The following GABRA2 variants were observed in gnomAD, a reference collection of about 807,000 sequenced individuals.
GABRA2 encodes the protein gamma-aminobutyric acid type A receptor subunit alpha2, also known as gamma-aminobutyric acid receptor subunit alpha-2.
GABRA2 carries 16 observed loss-of-function variants against 48.7 expected under a neutral mutation model. The ratio of observed to expected loss-of-function variants is 0.33; its 90% CI spans 0.22 to 0.50. GABRA2 has a LOEUF of 0.50. Ranked by LOEUF, GABRA2 falls within the 20% of genes least tolerant of loss-of-function variation. The probability of loss-of-function intolerance (pLI) is 0.98; values close to 1 mark genes in which losing one functional copy is unlikely to be tolerated. For missense variants in GABRA2, 275 were observed against 535.6 expected (o/e 0.51, Z 4.80); for synonymous variants, 185 against 184.5 (o/e 1.00, Z -0.02).
chr4:46,304,014 G>T (rs1289444209), intron 7 of GABRA2, among the ~76,000 whole-genome samples: 1 of 151,808 alleles, frequency 6.6e-6, no homozygotes, highest in African/African-American at 2.4e-5. Flanking sequence ...ACTCAAAAAG[G>T]TTTTTTTGTT....
At chr4:46,313,115 GC>G in intron 4 of GABRA2, among the ~76,000 whole-genome samples, 1 of 90,424 alleles carries the variant, frequency 1.1e-5, no homozygotes, top group South Asian at 3.9e-4. Flanking sequence ...TTTCCCAGTA[GC>G]AAATAAATAA....
chr4:46,378,217 G>C (rs80319496), intron 3 of GABRA2, among the ~76,000 whole-genome samples: 25,703 of 151,994 alleles, frequency 0.17, 2,959 homozygotes, highest in East Asian at 0.53. Flanking sequence ...GGAATGGAAA[G>C]GGGGGAAGGG....
intron 9 of GABRA2, among the ~76,000 whole-genome samples, chr4:46,257,915 A>C (rs1716163633): frequency 6.6e-6 from 1 of 151,788 alleles, no homozygotes; most frequent in African/African-American, 2.4e-5. Flanking sequence ...TTGTGGCATT[A>C]ACTGAAGTAT....
At chr4:46,369,146 G>C (rs1281526537) in intron 3 of GABRA2, 2 of 568,002 alleles carry the variant, frequency 3.5e-6, no homozygotes, top group East Asian at 2.8e-5. Context: ...GGGCAGCACA[G>C]TACTTCCTGG....
chr4:46,285,832 T>A (rs1722454297), intron 8 of GABRA2, among the ~76,000 whole-genome samples: 1 of 152,050 alleles, frequency 6.6e-6, no homozygotes, highest in African/African-American at 2.4e-5. Context: ...TGGTTTTGGT[T>A]TTGGTGCAAT....
At chr4:46,291,243 A>G (rs1443366401) in intron 8 of GABRA2, among the ~76,000 whole-genome samples, 1 of 152,142 alleles carries the variant, frequency 6.6e-6, no homozygotes, top group Non-Finnish European at 1.5e-5. Flanking sequence ...GTTTTTGCTT[A>G]CTTATGGAAA....
chr4:46,367,198 G>C (rs1277255901), intron 3 of GABRA2: 1 of 152,074 alleles, frequency 6.6e-6, no homozygotes, highest in Non-Finnish European at 1.5e-5. Context: ...TGTTAGCAAT[G>C]TCAGAAGTCT....
intron 3 of GABRA2, among the ~76,000 whole-genome samples, chr4:46,346,335 C>T (rs574066604): frequency 6.6e-6 from 1 of 151,848 alleles, no homozygotes; most frequent in African/African-American, 2.4e-5. Flanking sequence ...AAAAGGATGA[C>T]TCAAACAATA....
chr4:46,272,661 G>A (rs572467439), intron 8 of GABRA2, among the ~76,000 whole-genome samples: 1 of 152,054 alleles, frequency 6.6e-6, no homozygotes, highest in African/African-American at 2.4e-5. Context: ...AGTTAACGGG[G>A]TTCCCCAGAA....
At chr4:46,367,434 C>G (rs1714213027) in intron 3 of GABRA2, 1 of 152,102 alleles carries the variant, frequency 6.6e-6, no homozygotes, top group South Asian at 2.1e-4. Flanking sequence ...TAACTCCATT[C>G]TCCCTGGCAA....
intron 9 of GABRA2, 116 bp from the exon 10 acceptor site, chr4:46,250,720 C>T: frequency 1.4e-6 from 1 of 695,630 alleles, no homozygotes; most frequent in Non-Finnish European, 2.3e-6. Flanking sequence ...CATGCATTAG[C>T]AAAAAACAGA....
chr4:46,389,873 A>G lies in GABRA2; in HGVS notation c.-149T>C, dbSNP rs559977303. 2 of 946,956 alleles carry G rather than the reference A, an allele frequency of 2.1e-6. No individual in the cohort carries two copies. Among genetic ancestry groups the G allele is most frequent in the South Asian group, 1.0e-4 (2 of 20,084 alleles). The allele number at this position is 946,956 out of a possible 1,614,324, so 58.7% of individuals were successfully genotyped here. The stretch of plus-strand genomic sequence containing the variant: ...AGAGAGAGAGAGAGACCGAGACTGC[A>G]GCAGCCAAGAGAGCGTGGAGCGATG... On this transcript the variant is annotated 5_prime_UTR_variant, in exon 1 of 10. Transcript: ENST00000381620.
chr4:46,317,623 A>T (rs1233864320), intron 4 of GABRA2, among the ~76,000 whole-genome samples: 1 of 151,750 alleles, frequency 6.6e-6, no homozygotes, highest in Non-Finnish European at 1.5e-5. Context: ...TAATGAAAAT[A>T]GGCAATTGGA....
rs1713218674 is a variant in GABRA2, at chr4:46,243,877, T to G, written c.*6431A>C. 6.6e-6 allele frequency: 1 copy of G among 151,598 alleles called. No individual in the cohort carries two copies. Among genetic ancestry groups the G allele is most frequent in the Non-Finnish European group, 1.5e-5 (1 of 67,670 alleles). The allele number at this position is 151,598 out of a possible 1,614,324, so 9.4% of individuals were successfully genotyped here. A position where few individuals can be genotyped will look rare whatever the true frequency, so the allele number is the denominator to read the frequency against. ...TAATTTGTAGCAAAGGAAAAATACT[T>G]TATTCCTTTTATTTTCTATTCAAAT... On this transcript the variant is annotated 3_prime_UTR_variant, in exon 10 of 10. Transcript: ENST00000381620.
chr4:46,350,819 A>C (rs1734993232), intron 3 of GABRA2, among the ~76,000 whole-genome samples: 1 of 152,000 alleles, frequency 6.6e-6, no homozygotes, highest in South Asian at 2.1e-4. Context: ...TATGTAGATA[A>C]CATAGTCATG....
rs45587540 is a variant in GABRA2 at position 46,312,474 on chromosome 4, C to T, written c.476+22G>A. 8.4e-3 allele frequency: 12,590 copies of T among 1,506,874 alleles called. 80 individuals are homozygous for T. The highest frequency in any genetic ancestry group is 0.017 in the Middle Eastern group (97 of 5,788). The allele number at this position is 1,506,874 out of a possible 1,614,324, so 93.3% of individuals were successfully genotyped here. A position where few individuals can be genotyped will look rare whatever the true frequency, so the allele number is the denominator to read the frequency against. On this transcript the variant is annotated intron_variant, in intron 5 of 9. Transcript: ENST00000381620. Reference sequence around the variant, plus strand: ...AAAATTTCTCAGTATATAAATACATCACATCAAACCTAAAAACATACCTCA... The same window carrying T: ...AAAATTTCTCAGTATATAAATACATTACATCAAACCTAAAAACATACCTCA...
chr4:46,378,097 G>A (rs1314970204), intron 3 of GABRA2, among the ~76,000 whole-genome samples: 6 of 151,894 alleles, frequency 4.0e-5, no homozygotes, highest in South Asian at 4.2e-4. Context: ...GCCTCTGCCC[G>A]GCCGCCCCTA....
At chr4:46,359,668 T>G (rs1288047945) in intron 3 of GABRA2, among the ~76,000 whole-genome samples, 1 of 152,022 alleles carries the variant, frequency 6.6e-6, no homozygotes, top group East Asian at 1.9e-4. Flanking sequence ...AAATCAAAAC[T>G]TAAAGAATTG....
In GABRA2 at chr4:46,368,322, AG is replaced by A. The variant is rs1714363753; in HGVS notation, c.187+17751del. ...ACAGAGGCCTCTCTTTGAGGTTTTGAGGAAAATGCTAGCTAGACTCATCTGG... is the reference window on the plus strand; with the variant it reads ...ACAGAGGCCTCTCTTTGAGGTTTTGAGAAAATGCTAGCTAGACTCATCTGG... On this transcript the variant is annotated intron_variant, in intron 3 of 9. Coordinates refer to ENST00000381620, the MANE Select transcript of GABRA2 (RefSeq NM_000807.4). 3 of 152,130 alleles carry A rather than the reference AG, an allele frequency of 2.0e-5. No homozygotes were observed. In the South Asian group the frequency reaches 6.2e-4, roughly 31 times the overall value. 9.4% of individuals were successfully genotyped at this position (152,130 alleles called of 1,614,324 possible). A position where few individuals can be genotyped will look rare whatever the true frequency, so the allele number is the denominator to read the frequency against.
Sources: allele counts gnomAD v4.1 joint callset (sites outside exome capture counted in the v4.1 genomes callset), GRCh38; gene constraint gnomAD v4.1.1; transcripts MANE v1.5; gene names NCBI Gene and HGNC (gene_info 2026-07-23, HGNC 2026-07-21).